Variants in RBM17 observed in about 807,000 individuals in gnomAD.
RBM17 encodes the protein RNA binding motif protein 17, also known as splicing factor 45.
RBM17 carries 7 observed loss-of-function variants against 53.2 expected under a neutral mutation model. The ratio of observed to expected loss-of-function variants is 0.13; its 90% CI spans 0.07 to 0.25. The LOEUF is 0.25. Ranked by LOEUF, RBM17 falls within the 10% of genes least tolerant of loss-of-function variation. The pLI is 1.00. For synonymous variants in RBM17, 167 were observed against 178.1 expected (o/e 0.94, Z 0.50); for missense variants, 257 against 496.7 (o/e 0.52, Z 4.59).
chr10:6,091,553 C>T (rs1181323954), intron 1 of RBM17, among the ~76,000 whole-genome samples: 1 of 152,118 alleles, frequency 6.6e-6, no homozygotes, highest in Non-Finnish European at 1.5e-5. Context: ...AAATTTTATC[C>T]TACTTATCAT....
intron 5 of RBM17, 146 bp from the exon 6 acceptor site, chr10:6,108,540 A>G (rs957755884): frequency 1.2e-5 from 7 of 560,820 alleles, no homozygotes; most frequent in African/African-American, 2.0e-5. Context: ...GTTTGTTCAT[A>G]TGTAGCAGGA....
In RBM17 at chr10:6,104,851, C is replaced by T. The variant is rs1314743712; in HGVS notation, c.241-80C>T. 1.3e-5 allele frequency: 15 copies of T among 1,199,932 alleles called. 1 individual carries two copies. The Admixed American group carries it at 3.0e-4, about 24-fold the overall frequency. The allele number at this position is 1,199,932 out of a possible 1,614,324, so 74.3% of individuals were successfully genotyped here. On this transcript the variant is annotated intron_variant, in intron 3 of 11. Transcript: ENST00000379888. ...ATGATGTTCAGAGTCCTTTTATCTC[C>T]CATACGCTTTGACCTGAATCCTGTG...
intron 1 of RBM17, 170 bp from the exon 2 acceptor site, chr10:6,096,878 C>A: frequency 2.0e-6 from 1 of 491,408 alleles, no homozygotes; most frequent in Non-Finnish European, 3.7e-6. Context: ...AATCCATGGT[C>A]TAGCTTCATG....
intron 3 of RBM17, among the ~76,000 whole-genome samples, chr10:6,103,960 T>G (rs1241437463): frequency 2.0e-5 from 3 of 152,176 alleles, no homozygotes; most frequent in Non-Finnish European, 4.4e-5. Flanking sequence ...GTTTTGCATG[T>G]GTGTTTTAAA....
intron 7 of RBM17, among the ~76,000 whole-genome samples, chr10:6,110,770 G>C (rs1840825427): frequency 6.6e-6 from 1 of 152,242 alleles, no homozygotes; most frequent in Non-Finnish European, 1.5e-5. Context: ...TCTGCTGGCT[G>C]CTGCCTGTAG....
intron 5 of RBM17, among the ~76,000 whole-genome samples, chr10:6,106,781 T>G (rs766420491): frequency 6.6e-6 from 1 of 152,252 alleles, no homozygotes; most frequent in African/African-American, 2.4e-5. Context: ...CATTTGTTTT[T>G]TTTTCTTAAA....
At chr10:6,091,029 A>ATATATT (rs1554834365) in intron 1 of RBM17, among the ~76,000 whole-genome samples, 9 of 141,724 alleles carry the variant, frequency 6.4e-5, no homozygotes, top group South Asian at 4.3e-4. Flanking sequence ...ATTTATATAT[A>ATATATT]TTTATATATT....
At chr10:6,093,062 T>C (rs1571026) in intron 1 of RBM17, among the ~76,000 whole-genome samples, 1 of 152,078 alleles carries the variant, frequency 6.6e-6, no homozygotes. Context: ...TGTTGGCAGC[T>C]GAGATCTAGT....
At position 6,116,710 on chromosome 10, in the gene RBM17, CAAG is replaced by C. The variant is rs1400801909; in HGVS notation, c.*1157_*1159del. On this transcript the variant is annotated 3_prime_UTR_variant, in exon 12 of 12. Coordinates refer to ENST00000379888, the MANE Select transcript of RBM17 (RefSeq NM_032905.5). ...TGGTTATTATGACATGAAAGTGTAT[CAAG>C]AACTCAGCATTTCTTTGCATCCATG... 6.6e-6 allele frequency: 1 copy of C among 152,300 alleles called. No individual in the cohort carries two copies. Among genetic ancestry groups the C allele is most frequent in the East Asian group, 1.9e-4 (1 of 5,336 alleles). 9.4% of individuals were successfully genotyped at this position (152,300 alleles called of 1,614,324 possible).
rs751506838 is a variant in RBM17, at chr10:6,104,961, G to C, written c.271G>C (p.Glu91Gln). The change falls in exon 4 of 12, where the codon GAA becomes CAA. Residue 91 changes from glutamate to glutamine, a missense_variant. This residue lies in a region of RBM17 where 127 missense variants were observed against 217.2 expected (regional missense o/e 0.58). Transcript: ENST00000379888. The stretch of plus-strand genomic sequence containing the variant: ...TGTTCCCAGTGGGTTTTCTGCAGGG[G>C]AAGTTCTGATTCCCTTAGCTGACGA... ...DPVPSGFSAG[E>Q]VLIPLADEYD... 1.4e-5 allele frequency: 22 copies of C among 1,613,846 alleles called. No homozygotes were observed. In the South Asian group the frequency reaches 2.3e-4, roughly 17 times the overall value.
chr10:6,093,365 G>T (rs928332486), intron 1 of RBM17, among the ~76,000 whole-genome samples: 1 of 151,962 alleles, frequency 6.6e-6, no homozygotes, highest in South Asian at 2.1e-4. Flanking sequence ...GACTACAGGC[G>T]TGCAGCACCA....
At chr10:6,090,291 G>A (rs1840463476) in intron 1 of RBM17, among the ~76,000 whole-genome samples, 2 of 152,222 alleles carry the variant, frequency 1.3e-5, no homozygotes. Flanking sequence ...CCCCGCAGCA[G>A]ATGGAGTTTT....
chr10:6,109,215 T>C (rs1428358016), intron 6 of RBM17, among the ~76,000 whole-genome samples: 1 of 152,158 alleles, frequency 6.6e-6, no homozygotes, highest in Non-Finnish European at 1.5e-5. Context: ...CACTGTTCCT[T>C]CTCGCAGTGA....
Position 6,108,670 on chromosome 10 carries a change from A to G in RBM17, c.506-16A>G, listed in dbSNP as rs1840791494. On this transcript the variant is annotated splice_polypyrimidine_tract_variant and intron_variant, in intron 5 of 11. Coordinates refer to ENST00000379888, the MANE Select transcript of RBM17 (RefSeq NM_032905.5). ...ATCGGAAACCTCCTTTAATGCTTGG[A>G]TTTGTGGTTTTGCAGGTATGGGCGG... The G allele has an allele frequency of 6.2e-7, 1 of 1,609,166 alleles. No homozygotes were observed. The highest frequency in any genetic ancestry group is 1.3e-5 in the African/African-American group (1 of 74,878).
At chr10:6,096,063 G>T (rs1039185785) in intron 1 of RBM17, among the ~76,000 whole-genome samples, 2 of 152,150 alleles carry the variant, frequency 1.3e-5, no homozygotes, top group Non-Finnish European at 2.9e-5. Flanking sequence ...GGGAACTACT[G>T]TGCTAAGCAT....
intron 1 of RBM17, among the ~76,000 whole-genome samples, chr10:6,091,043 A>T (rs943399378): frequency 1.4e-5 from 2 of 141,746 alleles, no homozygotes; most frequent in South Asian, 2.2e-4. Flanking sequence ...ATATATTTTT[A>T]TATATATATT....
Position 6,102,256 on chromosome 10 carries a change from G to C in RBM17, c.240+869G>C, listed in dbSNP as rs190003322. 2.0e-5 allele frequency among the ~76,000 whole-genome samples: 3 copies of C among 152,258 alleles called. No individual in the cohort carries two copies. In the East Asian group the frequency reaches 5.8e-4, roughly 29 times the overall value. On this transcript the variant is annotated intron_variant, in intron 3 of 11. Coordinates refer to ENST00000379888, the MANE Select transcript of RBM17 (RefSeq NM_032905.5). ...GACAGTTTCTTAGCAAGGCGCGCCT[G>C]TCCTCCCCACCACCTGTGGGAAGGG...
At chr10:6,106,458 A>T (rs1588348622) in intron 5 of RBM17, 17 of 442,498 alleles carry the variant, frequency 3.8e-5, no homozygotes, top group Non-Finnish European at 7.1e-5. Context: ...TCTAACATTT[A>T]TTTATTGGAT....
intron 5 of RBM17, among the ~76,000 whole-genome samples, chr10:6,108,021 A>G (rs1334833226): frequency 6.6e-6 from 1 of 152,148 alleles, no homozygotes; most frequent in Non-Finnish European, 1.5e-5. Context: ...GATCTGTCTT[A>G]TCTCTTTTGG....
Sources: allele counts gnomAD v4.1 joint callset (sites outside exome capture counted in the v4.1 genomes callset), GRCh38; gene constraint gnomAD v4.1.1; regional missense constraint gnomAD v4.1.1; transcripts MANE v1.5; gene names NCBI Gene and HGNC (gene_info 2026-07-23, HGNC 2026-07-21).